LRRTM4: variants seen among roughly 807,000 people sequenced by gnomAD.
LRRTM4 encodes leucine-rich repeat transmembrane neuronal protein 4.
A neutral mutation model predicts 47.6 loss-of-function variants in LRRTM4; 25 were observed. The observed-to-expected ratio is 0.53, with a 90% CI of 0.38 to 0.73. LRRTM4 has a LOEUF of 0.73. Among genes scored for constraint, LRRTM4 ranks in the 30% least tolerant of loss-of-function variants. LRRTM4 has a pLI of 0.00. For missense variants in LRRTM4, 638 were observed against 713.4 expected (o/e 0.89, Z 1.20); for synonymous variants, 311 against 269.5 (o/e 1.15, Z -1.51).
At chr2:77,509,522 A>T (rs1376985298) in intron 3 of LRRTM4, among the ~76,000 whole-genome samples, 1 of 152,116 alleles carries the variant, frequency 6.6e-6, no homozygotes, top group Non-Finnish European at 1.5e-5. Context: ...CATGTTTATT[A>T]TTCACTTTAC....
At chr2:76,872,647 C>T (rs1262500484) in intron 3 of LRRTM4, among the ~76,000 whole-genome samples, 3 of 151,912 alleles carry the variant, frequency 2.0e-5, no homozygotes, top group Admixed American at 1.3e-4. Context: ...TTCCTGAGGG[C>T]GTGTATGATA....
intron 3 of LRRTM4, among the ~76,000 whole-genome samples, chr2:77,163,882 T>G (rs1166144463): frequency 6.6e-6 from 1 of 152,164 alleles, no homozygotes; most frequent in Non-Finnish European, 1.5e-5. Context: ...CCTTCAATGC[T>G]AGGAAGAAAC....
At chr2:76,967,845 T>C (rs1204656118) in intron 3 of LRRTM4, among the ~76,000 whole-genome samples, 1 of 151,570 alleles carries the variant, frequency 6.6e-6, no homozygotes, top group African/African-American at 2.4e-5. Flanking sequence ...TTGTAAATAC[T>C]CATGCTATAA....
chr2:76,948,149 G>A (rs1022622721), intron 3 of LRRTM4, among the ~76,000 whole-genome samples: 1 of 145,630 alleles, frequency 6.9e-6, no homozygotes, highest in African/African-American at 2.7e-5. Flanking sequence ...ATCACCAAGT[G>A]GAAAGTCTAT....
chr2:76,945,946 C>A (rs758802906), intron 3 of LRRTM4, among the ~76,000 whole-genome samples: 1 of 151,888 alleles, frequency 6.6e-6, no homozygotes, highest in South Asian at 2.1e-4. Context: ...TCACTGAATT[C>A]TCTTTAAACA....
At chr2:77,221,333 A>G (rs1014624648) in intron 3 of LRRTM4, among the ~76,000 whole-genome samples, 1 of 152,230 alleles carries the variant, frequency 6.6e-6, no homozygotes, top group Non-Finnish European at 1.5e-5. Context: ...TCATCATGAC[A>G]GGATCAAATT....
At chr2:77,284,932 G>A (rs1191642812) in intron 3 of LRRTM4, among the ~76,000 whole-genome samples, 2 of 151,956 alleles carry the variant, frequency 1.3e-5, no homozygotes, top group Non-Finnish European at 2.9e-5. Context: ...AATTATACAG[G>A]TATTAAAGAA....
intron 3 of LRRTM4, among the ~76,000 whole-genome samples, chr2:76,870,877 A>G (rs1435965857): frequency 2.6e-5 from 4 of 152,176 alleles, no homozygotes; most frequent in African/African-American, 4.8e-5. Context: ...TATTAGAAAA[A>G]CACACACAGA....
At chr2:77,230,608 T>C (rs977252124) in intron 3 of LRRTM4, among the ~76,000 whole-genome samples, 18 of 152,164 alleles carry the variant, frequency 1.2e-4, no homozygotes, top group African/African-American at 4.3e-4. Context: ...GTTGATGTTT[T>C]ATTTTTAACT....
chr2:77,279,358 G>A (rs1468950615), intron 3 of LRRTM4, among the ~76,000 whole-genome samples: 1 of 151,654 alleles, frequency 6.6e-6, no homozygotes, highest in Non-Finnish European at 1.5e-5. Flanking sequence ...GTTTTGTTTT[G>A]TTTTTGGTCA....
Position 77,063,418 on chromosome 2 carries a change from C to T in LRRTM4, c.1552-314502G>A, listed in dbSNP as rs531356787. Reference sequence around the variant, plus strand: ...TTAGCCTGTGTATTTGCTAACCATGCGGCCATTATTTCATAGGCCTCTCTG... The same window carrying T: ...TTAGCCTGTGTATTTGCTAACCATGTGGCCATTATTTCATAGGCCTCTCTG... On this transcript the variant is annotated intron_variant, in intron 3 of 3. Transcript: ENST00000409884. Among the ~76,000 whole-genome samples the T allele has an allele frequency of 5.1e-4, 77 of 152,098 alleles. 1 individual carries two copies. The highest frequency in any genetic ancestry group is 3.4e-3 in the Middle Eastern group (1 of 294).
At chr2:76,784,923 A>G (rs1674591713) in intron 3 of LRRTM4, among the ~76,000 whole-genome samples, 1 of 152,158 alleles carries the variant, frequency 6.6e-6, no homozygotes, top group South Asian at 2.1e-4. Context: ...CAGTTCGAAT[A>G]GAGATTCACA....
intron 3 of LRRTM4, among the ~76,000 whole-genome samples, chr2:77,197,730 G>A (rs1430151912): frequency 6.6e-6 from 1 of 152,104 alleles, no homozygotes; most frequent in African/African-American, 2.4e-5. Context: ...TATCTATATA[G>A]TGAGGATATC....
At chr2:76,880,945 G>A (rs980023714) in intron 3 of LRRTM4, among the ~76,000 whole-genome samples, 1 of 152,088 alleles carries the variant, frequency 6.6e-6, no homozygotes, top group Non-Finnish European at 1.5e-5. Context: ...TCTGGGAAGG[G>A]TACAGGGAGT....
intron 3 of LRRTM4, among the ~76,000 whole-genome samples, chr2:76,806,515 A>T (rs1457372040): frequency 6.6e-6 from 1 of 152,182 alleles, no homozygotes; most frequent in Non-Finnish European, 1.5e-5. Flanking sequence ...CAGCTGGCGG[A>T]GGTTGCAATG....
At chr2:77,150,393 C>T (rs1026175881) in intron 3 of LRRTM4, among the ~76,000 whole-genome samples, 1 of 152,020 alleles carries the variant, frequency 6.6e-6, no homozygotes, top group Non-Finnish European at 1.5e-5. Flanking sequence ...AATGAAGATT[C>T]CATAATCCTC....
intron 3 of LRRTM4, among the ~76,000 whole-genome samples, chr2:76,898,891 TGTTA>T (rs2103737081): frequency 6.6e-6 from 1 of 151,992 alleles, no homozygotes; most frequent in Non-Finnish European, 1.5e-5. Flanking sequence ...GTAGACCATT[TGTTA>T]ATTTCTGCTT....
At chr2:77,336,229 A>AAAGG (rs1208139064) in intron 3 of LRRTM4, among the ~76,000 whole-genome samples, 1 of 146,372 alleles carries the variant, frequency 6.8e-6, no homozygotes. Flanking sequence ...GAAAGGAAAG[A>AAAGG]AAGGAAGGAA....
intron 3 of LRRTM4, among the ~76,000 whole-genome samples, chr2:77,121,467 TA>T (rs1337327192): frequency 6.6e-6 from 1 of 151,810 alleles, no homozygotes; most frequent in Non-Finnish European, 1.5e-5. Context: ...GCTTCACATT[TA>T]AAAACACATA....
Sources: gnomAD v4.1 joint callset for allele counts (sites outside exome capture counted in the v4.1 genomes callset) on GRCh38, gnomAD v4.1.1 for gene constraint, MANE v1.5 for transcripts, NCBI Gene and HGNC (gene_info 2026-07-23, HGNC 2026-07-21) for gene names.